The following RNF146 variants were observed in gnomAD, a reference collection of about 807,000 sequenced individuals.
RNF146 encodes the protein ring finger protein 146.
A neutral mutation model predicts 29.7 loss-of-function variants in RNF146; 11 were observed. That is an observed-to-expected ratio of 0.37 (90% CI 0.23 to 0.61). The LOEUF (loss-of-function observed/expected upper bound fraction) is 0.61, where lower values mean the gene tolerates loss of function less well. Ranked by LOEUF, RNF146 falls within the 20% of genes least tolerant of loss-of-function variation. The pLI is 0.66. For synonymous variants in RNF146, 150 were observed against 159.7 expected (o/e 0.94, Z 0.46); for missense variants, 342 against 438.9 (o/e 0.78, Z 1.97).
rs970387126 is a variant in RNF146 at position 127,288,466 on chromosome 6, T to TAATC, written c.*775_*778dup. ...TGGTTTTAATTGGTTGTTTTCAGCT[T>TAATC]AATCACCTGCTCAGAAAAGTTTGAT... On this transcript the variant is annotated 3_prime_UTR_variant, in exon 3 of 3. Transcript: ENST00000368314. The TAATC allele has an allele frequency of 6.0e-6, 1 of 166,968 alleles. No individual in the cohort carries two copies. Among genetic ancestry groups the TAATC allele is most frequent in the South Asian group, 2.1e-4 (1 of 4,834 alleles). 10.3% of individuals were successfully genotyped at this position (166,968 alleles called of 1,614,324 possible). A position where few individuals can be genotyped will look rare whatever the true frequency, so the allele number is the denominator to read the frequency against.
At position 127,287,591 on chromosome 6, in the gene RNF146, A is replaced by G; in HGVS notation, c.978A>G (p.Ser326=). 1 of 1,611,854 alleles carries G rather than the reference A, an allele frequency of 6.2e-7. No homozygotes were observed. The highest frequency in any genetic ancestry group is 8.5e-7 in the Non-Finnish European group (1 of 1,178,534). Residue 326 remains serine, a synonymous_variant, in exon 3 of 3, where the codon TCA becomes TCG. Coordinates refer to ENST00000368314, the MANE Select transcript of RNF146 (RefSeq NM_001242850.2). The part of the protein sequence containing the change: ...SNANQTVPDR[S]DRSGTDRSVA... ...CAAACCAGACAGTACCCGATCGATC[A>G]GATCGATCGGGAACTGATCGATCAG...
chr6:127,285,377 G>GT, intron 2 of RNF146: 1 of 980,120 alleles, frequency 1.0e-6, no homozygotes, highest in Admixed American at 6.2e-5. Context: ...TATATCTTTT[G>GT]TAACTACTGA....
chr6:127,284,475 C>T (rs1225495648), intron 2 of RNF146, among the ~76,000 whole-genome samples: 3 of 151,604 alleles, frequency 2.0e-5, no homozygotes, highest in Admixed American at 6.6e-5. Context: ...TTAATTGGAG[C>T]TTTAAATAAA....
Position 127,286,299 on chromosome 6 carries a change from A to T in RNF146, c.3-317A>T, listed in dbSNP as rs1779501913. On this transcript the variant is annotated intron_variant, in intron 2 of 2. Transcript: ENST00000368314. The surrounding 1 kb of genome is among the most constrained non-coding windows in gnomAD (Gnocchi z 4.6). The stretch of plus-strand genomic sequence containing the variant: ...TTCATTTCACTGTATAATAGCTGCC[A>T]TGATTCAAGGTATCCTTTTCCCCTC... 1 of 761,340 alleles carries T rather than the reference A, an allele frequency of 1.3e-6. No homozygotes were observed. Among genetic ancestry groups the T allele is most frequent in the Non-Finnish European group, 1.8e-6 (1 of 546,822 alleles). The allele number at this position is 761,340 out of a possible 1,614,324, so 47.2% of individuals were successfully genotyped here.
At position 127,287,441 on chromosome 6, in the gene RNF146, C is replaced by T; in HGVS notation, c.828C>T (p.Gly276=). 1.2e-6 allele frequency: 2 copies of T among 1,613,422 alleles called. No individual in the cohort carries two copies. The highest frequency in any genetic ancestry group is 1.7e-6 in the Non-Finnish European group (2 of 1,179,598). The change falls in exon 3 of 3, where the codon GGC becomes GGT. Residue 276 remains glycine (G), a synonymous_variant. Transcript: ENST00000368314. ...GEEDHESPSS[G]RVPAPDTSIE... The stretch of plus-strand genomic sequence containing the variant: ...AAGATCATGAATCACCATCTTCAGG[C>T]AGGGTACCAGCACCAGACACCTCCA...
At position 127,286,042 on chromosome 6, in the gene RNF146, C is replaced by A. The variant is rs1371302421; in HGVS notation, c.3-574C>A. The stretch of plus-strand genomic sequence containing the variant: ...ATTTGACAAATCTTTTTTCTTCTTC[C>A]TCTTCAGGGGATCTTCAATATTCAT... On this transcript the variant is annotated intron_variant, in intron 2 of 2. Transcript: ENST00000368314. The surrounding 1 kb of genome is among the most constrained non-coding windows in gnomAD (Gnocchi z 4.6). 2 of 1,227,640 alleles carry A rather than the reference C, an allele frequency of 1.6e-6. No homozygotes were observed. The highest frequency in any genetic ancestry group is 2.0e-6 in the Non-Finnish European group (2 of 985,020). 76.0% of individuals were successfully genotyped at this position (1,227,640 alleles called of 1,614,324 possible). A position where few individuals can be genotyped will look rare whatever the true frequency, so the allele number is the denominator to read the frequency against.
chr6:127,272,782 T>C (rs1487996827), intron 1 of RNF146, among the ~76,000 whole-genome samples: 1 of 152,206 alleles, frequency 6.6e-6, no homozygotes, highest in Non-Finnish European at 1.5e-5. Context: ...CTTGCACAAT[T>C]GAAAATCTGA....
chr6:127,284,008 A>T (rs1374939894), intron 2 of RNF146, among the ~76,000 whole-genome samples: 1 of 151,844 alleles, frequency 6.6e-6, no homozygotes. Context: ...TGGTTTATTC[A>T]TAAATGCAAG....
At position 127,286,115 on chromosome 6, in the gene RNF146, TA is replaced by T. The variant is rs1439277381; in HGVS notation, c.3-500del. 2.4e-6 allele frequency: 3 copies of T among 1,230,284 alleles called. No homozygotes were observed. Among genetic ancestry groups the T allele is most frequent in the African/African-American group, 1.6e-5 (1 of 64,422 alleles). The allele number at this position is 1,230,284 out of a possible 1,614,324, so 76.2% of individuals were successfully genotyped here. A position where few individuals can be genotyped will look rare whatever the true frequency, so the allele number is the denominator to read the frequency against. On this transcript the variant is annotated intron_variant, in intron 2 of 2. Coordinates refer to ENST00000368314, the MANE Select transcript of RNF146 (RefSeq NM_001242850.2). This position sits in a 1 kb window ranked among gnomAD's most constrained non-coding sequence, Gnocchi z 4.6. ...TATGATTGTTACCTTTATGAAGCTT[TA>T]GTGATTACAAAGCACTTTTTTTGTC...
chr6:127,280,416 A>G, intron 2 of RNF146, 76 bp downstream of exon 2: 2 of 1,495,968 alleles, frequency 1.3e-6, no homozygotes, highest in South Asian at 1.2e-5. Flanking sequence ...TAAATTGAGT[A>G]TCTGTCATAT....
At chr6:127,271,469 T>A (rs576077858) in intron 1 of RNF146, among the ~76,000 whole-genome samples, 1 of 152,234 alleles carries the variant, frequency 6.6e-6, no homozygotes, top group Non-Finnish European at 1.5e-5. Context: ...GGCAAAAGTC[T>A]AGGTAAATTA....
intron 1 of RNF146, among the ~76,000 whole-genome samples, chr6:127,270,007 TA>T (rs1348865230): frequency 6.6e-6 from 1 of 152,208 alleles, no homozygotes; most frequent in African/African-American, 2.4e-5. Flanking sequence ...TATATGTATT[TA>T]TATTGATGTT....
At position 127,287,054 on chromosome 6, in the gene RNF146, T is replaced by G; in HGVS notation, c.441T>G (p.Ala147=). The part of the protein sequence containing the change: ...EMLIAGFLYV[A]DLENMVQYRR... ...TAATTGCTGGCTTTCTGTATGTCGC[T>G]GATCTTGAAAACATGGTTCAATATA... The change falls in exon 3 of 3, where the codon GCT becomes GCG. Residue 147 remains alanine, a synonymous_variant. Transcript: ENST00000368314. 1 of 1,613,436 alleles carries G rather than the reference T, an allele frequency of 6.2e-7. No homozygotes were observed. Among genetic ancestry groups the G allele is most frequent in the Non-Finnish European group, 8.5e-7 (1 of 1,179,662 alleles).
At chr6:127,274,542 T>G (rs1187184195) in intron 1 of RNF146, among the ~76,000 whole-genome samples, 1 of 152,184 alleles carries the variant, frequency 6.6e-6, no homozygotes, top group Non-Finnish European at 1.5e-5. Context: ...AGGAATAAAA[T>G]GGTACCTTCT....
At chr6:127,269,497 G>C (rs1282590314) in intron 1 of RNF146, among the ~76,000 whole-genome samples, 1 of 152,108 alleles carries the variant, frequency 6.6e-6, no homozygotes, top group African/African-American at 2.4e-5. Flanking sequence ...AAAATTAAAG[G>C]GTTTAATGGG....
chr6:127,278,036 A>C (rs1778463391), intron 1 of RNF146, among the ~76,000 whole-genome samples: 1 of 152,108 alleles, frequency 6.6e-6, no homozygotes, highest in African/African-American at 2.4e-5. Flanking sequence ...AGATGCCCAT[A>C]GTATGAGAGC....
At chr6:127,283,626 C>A (rs1446010446) in intron 2 of RNF146, among the ~76,000 whole-genome samples, 1 of 151,870 alleles carries the variant, frequency 6.6e-6, no homozygotes, top group East Asian at 1.9e-4. Context: ...TATCTTGTTA[C>A]ACATTTTATC....
At chr6:127,280,423 A>ATATGTAGTTTTAATTATAT in intron 2 of RNF146, 83 bp downstream of exon 2, 1 of 1,464,970 alleles carries the variant, frequency 6.8e-7, no homozygotes, top group Non-Finnish European at 9.2e-7. Context: ...AGTATCTGTC[A>ATATGTAGTTTTAATTATAT]TATGTAGTTT....
In RNF146 at chr6:127,287,565, G is replaced by A. The variant is rs764129860; in HGVS notation, c.952G>A (p.Ala318Thr). The A allele has an allele frequency of 1.9e-6, 3 of 1,612,858 alleles. No individual in the cohort carries two copies. The highest frequency in any genetic ancestry group is 2.5e-6 in the Non-Finnish European group (3 of 1,179,440). Reference sequence around the variant, plus strand: ...CCAACAGAGACTTTTGGTTTCTAATGCAAACCAGACAGTACCCGATCGATC... The same window carrying A: ...CCAACAGAGACTTTTGGTTTCTAATACAAACCAGACAGTACCCGATCGATC... ...LTQQRLLVSN[A>T]NQTVPDRSDR... is the part of the protein sequence containing the mutation. The change falls in exon 3 of 3, where the codon GCA (alanine) becomes ACA (threonine). Residue 318 changes from alanine to threonine, a missense_variant. By Grantham distance (58) the Ala-to-Thr change is moderately conservative. Around this residue, in one of 6 missense-constraint regions of RNF146, gnomAD observed 196 missense variants for 208.9 expected, o/e 0.94. Coordinates refer to ENST00000368314, the MANE Select transcript of RNF146 (RefSeq NM_001242850.2).
Sources: allele counts gnomAD v4.1 joint callset (sites outside exome capture counted in the v4.1 genomes callset), GRCh38; gene constraint gnomAD v4.1.1; regional missense constraint gnomAD v4.1.1; non-coding constraint Gnocchi (gnomAD v3.1); transcripts MANE v1.5; gene names NCBI Gene and HGNC (gene_info 2026-07-23, HGNC 2026-07-21).